Variants in SHANK2 observed in about 807,000 individuals in gnomAD.
SHANK2 encodes SH3 and multiple ankyrin repeat domains 2, also known as SH3 and multiple ankyrin repeat domains protein 2.
Under a neutral mutation model 133.7 loss-of-function variants are expected in SHANK2, and 43 were observed. The observed-to-expected ratio is 0.32, with a 90% CI of 0.25 to 0.41. The LOEUF is 0.41. Ranked by LOEUF, SHANK2 falls within the 10% of genes least tolerant of loss-of-function variation. The pLI, the probability that SHANK2 is intolerant of heterozygous loss-of-function variation, is 1.00. For synonymous variants in SHANK2, 1,017 were observed against 952.8 expected, an observed-to-expected ratio of 1.07 and a Z score of -1.24; for missense variants, 1,994 against 2,235.8, an observed-to-expected ratio of 0.89 and a Z score of 2.18.
intron 10 of SHANK2, among the ~76,000 whole-genome samples, chr11:70,931,080 T>C (rs1228964153): frequency 3.3e-5 from 5 of 152,170 alleles, no homozygotes; most frequent in African/African-American, 7.2e-5. Context: ...TGGATGAGAC[T>C]TGACCACACC....
intron 2 of SHANK2, among the ~76,000 whole-genome samples, chr11:71,167,098 G>T (rs1398843346): frequency 2.0e-5 from 3 of 151,822 alleles, no homozygotes; most frequent in African/African-American, 7.3e-5. Flanking sequence ...ATAGCACAGG[G>T]TTGGGGGTAA....
chr11:70,750,834 T>C (rs1946737425), intron 14 of SHANK2, among the ~76,000 whole-genome samples: 1 of 152,180 alleles, frequency 6.6e-6, no homozygotes, highest in South Asian at 2.1e-4. Flanking sequence ...AGAAGCTCAT[T>C]TGACGTTGGA....
At chr11:70,861,326 A>T (rs914059374) in intron 11 of SHANK2, among the ~76,000 whole-genome samples, 6 of 152,230 alleles carry the variant, frequency 3.9e-5, no homozygotes, top group Non-Finnish European at 8.8e-5. Flanking sequence ...CTTTTAAAAC[A>T]CTATAAAACA....
intron 11 of SHANK2, among the ~76,000 whole-genome samples, chr11:70,854,862 C>A (rs1949143688): frequency 6.6e-6 from 1 of 152,236 alleles, no homozygotes; most frequent in Admixed American, 6.5e-5. Flanking sequence ...AGAGCAGGGA[C>A]TAGGCACTGG....
chr11:70,770,828 C>T (rs1591829611), intron 14 of SHANK2, among the ~76,000 whole-genome samples: 1 of 151,442 alleles, frequency 6.6e-6, no homozygotes, highest in African/African-American at 2.4e-5. Flanking sequence ...CAGAAGTTAA[C>T]AGGCACAGTT....
At chr11:70,574,681 T>C (rs1259759250) in intron 17 of SHANK2, among the ~76,000 whole-genome samples, 1 of 152,050 alleles carries the variant, frequency 6.6e-6, no homozygotes, top group African/African-American at 2.4e-5. Context: ...AGGGGCTGGC[T>C]CTGATGGGAT....
chr11:70,789,361 A>G (rs570033803), intron 14 of SHANK2, among the ~76,000 whole-genome samples: 23 of 152,274 alleles, frequency 1.5e-4, no homozygotes, highest in African/African-American at 5.3e-4. Context: ...TCTAGATCCT[A>G]TGCTTATGGC....
chr11:70,615,528 C>T (rs2060727150), intron 17 of SHANK2, among the ~76,000 whole-genome samples: 1 of 152,160 alleles, frequency 6.6e-6, no homozygotes, highest in Non-Finnish European at 1.5e-5. Flanking sequence ...TTCCAGGGTC[C>T]CTTAGTGGCG....
intron 16 of SHANK2, 26 bp downstream of exon 16, chr11:70,661,570 T>C: frequency 6.5e-7 from 1 of 1,543,732 alleles, no homozygotes; most frequent in Non-Finnish European, 8.9e-7. Flanking sequence ...TGGGAACATA[T>C]TCAGGCTCAG....
At position 70,473,759 on chromosome 11, in the gene SHANK2, G is replaced by A; in HGVS notation, c.4980-320C>T. Reference sequence around the variant, plus strand: ...ACCTGAACTGGGACAGAGGGGCTGGGGGACCTGCCTGTGCTGGGGGGCAGG... The same window carrying A: ...ACCTGAACTGGGACAGAGGGGCTGGAGGACCTGCCTGTGCTGGGGGGCAGG... On this transcript the variant is annotated intron_variant, in intron 25 of 25. Transcript: ENST00000601538. This position sits in a 1 kb window ranked among gnomAD's most constrained non-coding sequence, Gnocchi z 5.9. The A allele has an allele frequency of 2.4e-6, 1 of 422,580 alleles. No individual in the cohort carries two copies. 26.2% of individuals were successfully genotyped at this position (422,580 alleles called of 1,614,324 possible). A position where few individuals can be genotyped will look rare whatever the true frequency, so the allele number is the denominator to read the frequency against.
intron 14 of SHANK2, among the ~76,000 whole-genome samples, chr11:70,787,818 G>C (rs886517754): frequency 6.6e-6 from 1 of 152,184 alleles, no homozygotes; most frequent in Admixed American, 6.6e-5. Flanking sequence ...GGAAACAGAT[G>C]TCAGCTCAGA....
At chr11:70,888,161 T>C (rs1420557438) in intron 11 of SHANK2, among the ~76,000 whole-genome samples, 2 of 151,748 alleles carry the variant, frequency 1.3e-5, no homozygotes, top group African/African-American at 4.8e-5. Context: ...GACAAAAGAT[T>C]CACCCTGAGG....
At chr11:70,495,939 G>A (rs988533310) in intron 21 of SHANK2, 1 of 155,074 alleles carries the variant, frequency 6.4e-6, no homozygotes, top group Non-Finnish European at 1.5e-5. Context: ...GATGCAGGAA[G>A]GCCCATCCGA....
chr11:70,584,927 G>A lies in SHANK2; in HGVS notation c.2061+74901C>T, dbSNP rs551620633. On this transcript the variant is annotated intron_variant, in intron 17 of 25. Transcript: ENST00000601538. The stretch of plus-strand genomic sequence containing the variant: ...TTCCACTACATGTTCTGAAAAGAGT[G>A]GCAGTGCTGGCACGGTCTGGTGCAT... 7.9e-5 allele frequency among the ~76,000 whole-genome samples: 12 copies of A among 152,364 alleles called. No individual in the cohort carries two copies. In the South Asian group the frequency reaches 1.7e-3, roughly 21 times the overall value.
intron 17 of SHANK2, among the ~76,000 whole-genome samples, chr11:70,615,030 TC>T (rs1471201665): frequency 1.3e-5 from 2 of 152,086 alleles, no homozygotes; most frequent in Non-Finnish European, 1.5e-5. Context: ...TAGATTGGAT[TC>T]CCCCCATGCA....
At chr11:71,058,511 T>G (rs1435832645) in intron 9 of SHANK2, among the ~76,000 whole-genome samples, 1 of 152,222 alleles carries the variant, frequency 6.6e-6, no homozygotes, top group Non-Finnish European at 1.5e-5. Context: ...AGTTGGCTGT[T>G]TAGAATAAGC....
chr11:71,192,678 C>T (rs188449748), intron 2 of SHANK2, among the ~76,000 whole-genome samples: 1 of 152,198 alleles, frequency 6.6e-6, no homozygotes, highest in Non-Finnish European at 1.5e-5. Context: ...CCTAATCAAT[C>T]CAATTTCATA....
chr11:71,082,845 T>C (rs1951318373), intron 8 of SHANK2, among the ~76,000 whole-genome samples: 2 of 152,148 alleles, frequency 1.3e-5, no homozygotes, highest in South Asian at 4.2e-4. Flanking sequence ...TTCAGACTGA[T>C]GTCACACCCA....
chr11:70,593,833 G>A (rs1039420286), intron 17 of SHANK2, among the ~76,000 whole-genome samples: 4 of 152,126 alleles, frequency 2.6e-5, no homozygotes, highest in South Asian at 2.1e-4. Context: ...TCCTTCGTTC[G>A]TTCGTTCATT....
Sources: gnomAD v4.1 joint callset for allele counts (sites outside exome capture counted in the v4.1 genomes callset) on GRCh38, gnomAD v4.1.1 for gene constraint, Gnocchi (gnomAD v3.1) non-coding constraint, MANE v1.5 for transcripts, NCBI Gene and HGNC (gene_info 2026-07-23, HGNC 2026-07-21) for gene names.